LRBA: variants seen among roughly 807,000 people sequenced by gnomAD.
LRBA encodes the protein LPS responsive beige-like anchor protein.
In LRBA, 176 loss-of-function variants were observed where a neutral mutation model predicts 330.0. The observed-to-expected ratio is 0.53, with a 90% confidence interval of 0.47 to 0.60. The LOEUF (loss-of-function observed/expected upper bound fraction) is 0.60, where lower values mean the gene tolerates loss of function less well. LRBA is among the 20% of genes least tolerant of loss of function. The pLI is 0.00. For synonymous variants in LRBA, 1,230 were observed against 1,193.0 expected (o/e 1.03, Z -0.64); for missense variants, 3,259 against 3,444.8 (o/e 0.95, Z 1.35).
At chr4:150,695,941 A>G (rs10000193) in intron 36 of LRBA, among the ~76,000 whole-genome samples, 107,036 of 152,100 alleles carry the variant, frequency 0.7, 42,693 homozygotes, top group Non-Finnish European at 0.9. Context: ...ACACTTAAAT[A>G]TCAAGGCCAG....
chr4:150,863,288 T>C (rs942224961), intron 22 of LRBA, among the ~76,000 whole-genome samples: 1 of 152,148 alleles, frequency 6.6e-6, no homozygotes, highest in African/African-American at 2.4e-5. Flanking sequence ...AAAAATATTT[T>C]TTTTCCTTTC....
intron 2 of LRBA, among the ~76,000 whole-genome samples, chr4:150,954,817 C>CAAAAAAAAAAAAAAAAAAA (rs34282784): frequency 6.6e-5 from 3 of 45,528 alleles, no homozygotes; most frequent in African/African-American, 1.4e-4. Flanking sequence ...ACTCAGAAAT[C>CAAAAAAAAAAAAAAAAAAA]AAAAAAAAAA....
At chr4:150,747,950 T>C (rs572863021) in intron 35 of LRBA, among the ~76,000 whole-genome samples, 14 of 152,270 alleles carry the variant, frequency 9.2e-5, no homozygotes, top group African/African-American at 3.1e-4. Context: ...TTCACGTGGA[T>C]ACCCAATAAG....
rs1187512049 is a variant in LRBA at position 150,849,406 on chromosome 4, G to T, written c.4158+16C>A. 1 of 1,610,548 alleles carries T rather than the reference G, an allele frequency of 6.2e-7. No individual in the cohort carries two copies. Among genetic ancestry groups the T allele is most frequent in the South Asian group, 1.1e-5 (1 of 90,226 alleles). On this transcript the variant is annotated intron_variant, in intron 25 of 56. Transcript: ENST00000651943. The stretch of plus-strand genomic sequence containing the variant: ...CATGTTTTCACACCAATTTTCTATA[G>T]TAATTAAGTCCTTACTGTAGCCGAT...
chr4:150,302,581 C>G, intron 53 of LRBA, 44 bp downstream of exon 53: 1 of 1,459,562 alleles, frequency 6.9e-7, no homozygotes, highest in Non-Finnish European at 9.4e-7. Context: ...ATGTTATTCT[C>G]TACATCCTTG....
chr4:150,819,570 G>C (rs773993263), intron 30 of LRBA, among the ~76,000 whole-genome samples: 1 of 152,090 alleles, frequency 6.6e-6, no homozygotes, highest in African/African-American at 2.4e-5. Flanking sequence ...AGAGCTAAAA[G>C]CTAATTGTTG....
intron 35 of LRBA, among the ~76,000 whole-genome samples, chr4:150,738,838 T>C (rs189394913): frequency 6.0e-5 from 9 of 151,112 alleles, no homozygotes; most frequent in African/African-American, 2.2e-4. Flanking sequence ...CAACAAATAC[T>C]TAGCTCAGAA....
intron 48 of LRBA, among the ~76,000 whole-genome samples, chr4:150,338,966 T>TACACAC (rs200463218): frequency 0.031 from 4,590 of 148,682 alleles, 67 homozygotes; most frequent in Middle Eastern, 0.052. Flanking sequence ...TATTTAATTA[T>TACACAC]ACACACACAC....
chr4:150,589,283 T>C (rs1772525093), intron 39 of LRBA, among the ~76,000 whole-genome samples: 1 of 152,260 alleles, frequency 6.6e-6, no homozygotes, highest in South Asian at 2.1e-4. Flanking sequence ...TTCCATCGAT[T>C]GTTAGAAGGG....
chr4:150,509,823 C>T (rs868013669), intron 40 of LRBA, among the ~76,000 whole-genome samples: 2 of 152,086 alleles, frequency 1.3e-5, no homozygotes, highest in East Asian at 1.9e-4. Flanking sequence ...TACTTTGATG[C>T]GATGAACAGA....
At chr4:150,494,296 C>A (rs1190371376) in intron 40 of LRBA, among the ~76,000 whole-genome samples, 1 of 152,066 alleles carries the variant, frequency 6.6e-6, no homozygotes, top group Non-Finnish European at 1.5e-5. Context: ...AATTTTCCTG[C>A]ACTTGGGTTA....
chr4:150,661,149 TAATA>T (rs895014295), intron 37 of LRBA, among the ~76,000 whole-genome samples: 3 of 147,078 alleles, frequency 2.0e-5, no homozygotes, highest in African/African-American at 7.5e-5. Flanking sequence ...ATACAGTACT[TAATA>T]AATAGCATGA....
chr4:150,316,248 T>C (rs1447631947), intron 50 of LRBA, among the ~76,000 whole-genome samples: 2 of 152,178 alleles, frequency 1.3e-5, no homozygotes, highest in Non-Finnish European at 2.9e-5. Context: ...AATATTTCCA[T>C]GGTTTCAATT....
At chr4:150,927,329 T>C (rs546023592) in intron 4 of LRBA, among the ~76,000 whole-genome samples, 9 of 147,748 alleles carry the variant, frequency 6.1e-5, no homozygotes, top group African/African-American at 2.3e-4. Context: ...GCCGAGATCA[T>C]GGCACTGCAC....
chr4:150,581,358 A>C (rs1771304509), intron 40 of LRBA: 1 of 442,182 alleles, frequency 2.3e-6, no homozygotes, highest in African/African-American at 2.0e-5. Context: ...CATATACAGC[A>C]ACTGCTCTGA....
intron 31 of LRBA, among the ~76,000 whole-genome samples, chr4:150,816,432 C>T (rs1376669413): frequency 6.6e-6 from 1 of 151,750 alleles, no homozygotes; most frequent in Non-Finnish European, 1.5e-5. Context: ...TCAAGTTTAC[C>T]CAGTATCACC....
At chr4:150,984,155 T>C (rs1211755034) in intron 2 of LRBA, among the ~76,000 whole-genome samples, 1 of 152,166 alleles carries the variant, frequency 6.6e-6, no homozygotes, top group Non-Finnish European at 1.5e-5. Context: ...GCTAATTTCA[T>C]TCAACCTGTT....
chr4:150,792,468 T>A (rs2126647311), intron 34 of LRBA, among the ~76,000 whole-genome samples: 1 of 152,296 alleles, frequency 6.6e-6, no homozygotes, highest in Admixed American at 6.5e-5. Context: ...TGTGGGTATT[T>A]ACTGTATATA....
chr4:150,987,828 C>A (rs536627506), intron 2 of LRBA, among the ~76,000 whole-genome samples: 1 of 151,840 alleles, frequency 6.6e-6, no homozygotes, highest in South Asian at 2.1e-4. Context: ...ATGGGGAAAC[C>A]CTGTCTCTAC....
Sources: gnomAD v4.1 joint callset for allele counts (sites outside exome capture counted in the v4.1 genomes callset) on GRCh38, gnomAD v4.1.1 for gene constraint, MANE v1.5 for transcripts, NCBI Gene and HGNC (gene_info 2026-07-23, HGNC 2026-07-21) for gene names.